MAGI1: variants seen among roughly 807,000 people sequenced by gnomAD.
MAGI1 encodes membrane-associated guanylate kinase, WW and PDZ domain-containing protein 1.
Under a neutral mutation model 139.9 loss-of-function variants are expected in MAGI1, and 58 were observed. The ratio of observed to expected loss-of-function variants is 0.41; its 90% CI spans 0.34 to 0.52. MAGI1 has a LOEUF of 0.52. Ranked by LOEUF, MAGI1 falls within the 20% of genes least tolerant of loss-of-function variation. The pLI, the probability that MAGI1 is intolerant of heterozygous loss-of-function variation, is 0.12. For missense variants in MAGI1, 1,874 were observed against 1,901.6 expected, an observed-to-expected ratio of 0.99 and a Z score of 0.27; for synonymous variants, 812 against 737.9, an observed-to-expected ratio of 1.10 and a Z score of -1.63.
Position 65,353,634 on chromosome 3 carries a change from C to G in MAGI1, c.*2744G>C, listed in dbSNP as rs780716433. 3.3e-5 allele frequency: 5 copies of G among 152,152 alleles called. No homozygotes were observed. The highest frequency in any genetic ancestry group is 4.1e-4 in the South Asian group (2 of 4,824). 9.4% of individuals were successfully genotyped at this position (152,152 alleles called of 1,614,324 possible). On this transcript the variant is annotated 3_prime_UTR_variant, in exon 23 of 23. Coordinates refer to ENST00000402939, the MANE Select transcript of MAGI1 (RefSeq NM_001033057.2). ...CAATTAGGGTGTTGAGTCCTCCCCC[C>G]CAACATTCTTTCAGGCATCAACTGT...
intron 2 of MAGI1, among the ~76,000 whole-genome samples, chr3:65,538,324 A>C (rs1271577515): frequency 1.3e-5 from 2 of 152,204 alleles, no homozygotes; most frequent in African/African-American, 4.8e-5. Context: ...ACAGCTAAGA[A>C]TAATGCTTTA....
chr3:65,507,454 C>G (rs2077342485), intron 2 of MAGI1, among the ~76,000 whole-genome samples: 3 of 152,178 alleles, frequency 2.0e-5, no homozygotes, highest in Non-Finnish European at 4.4e-5. Flanking sequence ...ATGTGTTAGC[C>G]TGGTCATAAT....
intron 2 of MAGI1, among the ~76,000 whole-genome samples, chr3:65,617,729 C>A (rs1417961622): frequency 6.6e-6 from 1 of 151,932 alleles, no homozygotes; most frequent in Admixed American, 6.6e-5. Flanking sequence ...ATGGTCAAAG[C>A]AATTCTGCTG....
intron 1 of MAGI1, among the ~76,000 whole-genome samples, chr3:66,020,936 C>T (rs999115344): frequency 6.6e-6 from 1 of 152,038 alleles, no homozygotes; most frequent in Non-Finnish European, 1.5e-5. Context: ...AAACTGTCAT[C>T]GGTAAATGTA....
At chr3:65,360,958 A>C (rs1940795386) in intron 22 of MAGI1, 4 of 1,421,922 alleles carry the variant, frequency 2.8e-6, no homozygotes, top group Non-Finnish European at 1.8e-6. Flanking sequence ...GTTCTCTCTG[A>C]TTATCAGAAA....
chr3:65,980,415 T>C (rs952130092), intron 1 of MAGI1, among the ~76,000 whole-genome samples: 1 of 151,650 alleles, frequency 6.6e-6, no homozygotes, highest in East Asian at 1.9e-4. Context: ...ATACAAAAAT[T>C]AGCCACACAT....
intron 3 of MAGI1, among the ~76,000 whole-genome samples, chr3:65,488,446 C>T (rs1410821557): frequency 1.3e-5 from 2 of 151,452 alleles, no homozygotes; most frequent in African/African-American, 4.9e-5. Flanking sequence ...AAGTGATTCT[C>T]CCACCTCAGC....
At chr3:65,964,961 C>G (rs1331938331) in intron 1 of MAGI1, among the ~76,000 whole-genome samples, 1 of 152,224 alleles carries the variant, frequency 6.6e-6, no homozygotes. Context: ...ATATCTACTT[C>G]TAGGTACTGA....
intron 1 of MAGI1, among the ~76,000 whole-genome samples, chr3:65,961,427 T>C (rs190805289): frequency 6.5e-4 from 99 of 152,314 alleles, no homozygotes; most frequent in Non-Finnish European, 1.1e-3. Flanking sequence ...AATGCATAAC[T>C]GAACTGTACA....
At chr3:65,385,111 C>A (rs540684930) in intron 14 of MAGI1, among the ~76,000 whole-genome samples, 32 of 152,202 alleles carry the variant, frequency 2.1e-4, no homozygotes, top group Non-Finnish European at 3.7e-4. Flanking sequence ...TTTCCAGTAA[C>A]CTGATATTTT....
rs1000454210 is a variant in MAGI1 at position 65,640,943 on chromosome 3, T to C, written c.314-18855A>G. The stretch of plus-strand genomic sequence containing the variant: ...TCAGCCTTTGGGAACTGTGACACCC[T>C]CTTTTTTGTTGCTTGATTCCAAACC... On this transcript the variant is annotated intron_variant, in intron 1 of 22. Transcript: ENST00000402939. Among the ~76,000 whole-genome samples, 11 of 152,248 alleles carry C rather than the reference T, an allele frequency of 7.2e-5. No individual in the cohort carries two copies. The South Asian group carries it at 2.1e-3, about 29-fold the overall frequency.
At position 65,392,837 on chromosome 3, in the gene MAGI1, T is replaced by C. The variant is rs554910120; in HGVS notation, c.2200-1479A>G. 2.0e-4 allele frequency among the ~76,000 whole-genome samples: 30 copies of C among 152,304 alleles called. 1 individual carries two copies. In the South Asian group the frequency reaches 5.0e-3, roughly 25 times the overall value. On this transcript the variant is annotated intron_variant, in intron 13 of 22. Transcript: ENST00000402939. The stretch of plus-strand genomic sequence containing the variant: ...GGCAAGGATTCAAAATTGAGAACAA[T>C]TGGACATGCATTCAATGAAGGCAAG...
chr3:65,623,326 C>T (rs183414631), intron 1 of MAGI1, among the ~76,000 whole-genome samples: 116 of 152,180 alleles, frequency 7.6e-4, no homozygotes, highest in Non-Finnish European at 1.1e-3. Flanking sequence ...CAATTCTCTA[C>T]ACTTAAGAGA....
chr3:65,746,838 T>TG (rs1187122795), intron 1 of MAGI1, among the ~76,000 whole-genome samples: 1 of 152,238 alleles, frequency 6.6e-6, no homozygotes, highest in East Asian at 1.9e-4. Flanking sequence ...AGCATTTCTC[T>TG]GGGCTAGGAA....
chr3:65,843,764 A>C (rs2108352857), intron 1 of MAGI1: 1 of 172,774 alleles, frequency 5.8e-6, no homozygotes, highest in Non-Finnish European at 1.2e-5. Context: ...ACAGAATGGA[A>C]CTAAAAGAAA....
At position 65,509,449 on chromosome 3, in the gene MAGI1, T is replaced by C. The variant is rs781155393; in HGVS notation, c.431-15818A>G. Reference sequence around the variant, plus strand: ...GTGGGCGCAGGTCAGTGGGTGCGCGTACCGTGCGCAAGCCGAAGCAGGGTG... The same window carrying C: ...GTGGGCGCAGGTCAGTGGGTGCGCGCACCGTGCGCAAGCCGAAGCAGGGTG... On this transcript the variant is annotated intron_variant, in intron 2 of 22. Transcript: ENST00000402939. Among the ~76,000 whole-genome samples, 324 of 152,184 alleles carry C rather than the reference T, an allele frequency of 2.1e-3. 1 individual carries two copies. Among genetic ancestry groups the C allele is most frequent in the Middle Eastern group, 6.8e-3 (2 of 292 alleles).
At chr3:65,488,702 C>T (rs1312327188) in intron 3 of MAGI1, among the ~76,000 whole-genome samples, 1 of 150,632 alleles carries the variant, frequency 6.6e-6, no homozygotes, top group East Asian at 2.0e-4. Flanking sequence ...CAGAGTCTTG[C>T]TCCTGTTGCC....
chr3:66,009,041 G>T (rs187920501), intron 1 of MAGI1: 1 of 152,406 alleles, frequency 6.6e-6, no homozygotes, highest in South Asian at 2.1e-4. Flanking sequence ...CGTATCAGGC[G>T]TAAGCCGGCC....
intron 1 of MAGI1, among the ~76,000 whole-genome samples, chr3:66,027,270 AAATAAATAAAT>A (rs1559507958): frequency 0.014 from 1,918 of 137,416 alleles, 58 homozygotes; most frequent in African/African-American, 0.044. Context: ...CGTCTCAAAT[AAATAAATAAAT>A]AAATAAATAA....
Sources: gnomAD v4.1 joint callset for allele counts (sites outside exome capture counted in the v4.1 genomes callset) on GRCh38, gnomAD v4.1.1 for gene constraint, MANE v1.5 for transcripts, NCBI Gene and HGNC (gene_info 2026-07-23, HGNC 2026-07-21) for gene names.